MTX2: variants seen among roughly 807,000 people sequenced by gnomAD.
MTX2 encodes metaxin-2.
A neutral mutation model predicts 42.3 loss-of-function variants in MTX2; 35 were observed. That is an observed-to-expected ratio of 0.83 (90% confidence interval 0.63 to 1.10). The LOEUF (loss-of-function observed/expected upper bound fraction) is 1.10, where lower values mean the gene tolerates loss of function less well. MTX2 is among the 50% of genes least tolerant of loss of function. The pLI, the probability that MTX2 is intolerant of heterozygous loss-of-function variation, is 0.00. For synonymous variants in MTX2, 119 were observed against 100.9 expected, an observed-to-expected ratio of 1.18 and a Z score of -1.08; for missense variants, 307 against 304.1, an observed-to-expected ratio of 1.01 and a Z score of -0.07.
chr2:176,329,903 GTCTATCTGTCTA>G (rs910001987), intron 8 of MTX2, among the ~76,000 whole-genome samples: 2 of 143,218 alleles, frequency 1.4e-5, no homozygotes, highest in Non-Finnish European at 3.1e-5. Context: ...CTATCTATCT[GTCTATCTGTCTA>G]TCTATCTGTC....
chr2:176,296,824 T>G lies in MTX2; in HGVS notation c.41-36T>G, dbSNP rs1000064740. On this transcript the variant is annotated intron_variant, in intron 1 of 9. Coordinates refer to ENST00000249442, the MANE Select transcript of MTX2 (RefSeq NM_006554.5). ...TGGTTTGTTATTGATATGTTTTTGC[T>G]TTATGTGCCTAATTATCACTGCCTT... 5.0e-6 allele frequency: 8 copies of G among 1,608,738 alleles called. No homozygotes were observed. The African/African-American group carries it at 1.1e-4, about 22-fold the overall frequency.
intron 3 of MTX2, among the ~76,000 whole-genome samples, chr2:176,320,141 TA>T (rs1476826619): frequency 6.6e-6 from 1 of 151,926 alleles, no homozygotes; most frequent in Non-Finnish European, 1.5e-5. Flanking sequence ...TATAAAAAAA[TA>T]AAAAGCATGG....
At position 176,337,539 on chromosome 2, in the gene MTX2, C is replaced by G; in HGVS notation, c.667C>G (p.Leu223Val). Residue 223 changes from leucine to valine, a missense_variant, in exon 10 of 10, where the codon CTT (leucine) becomes GTT (valine). By Grantham distance (32) the Leu-to-Val change is conservative. Transcript: ENST00000249442. ...GGTATTTGGCCATCTATACACCATT[C>G]TTACCACACAATTGACAAATGATGA... is the stretch of plus-strand genomic sequence containing the variant. ...ALVFGHLYTI[L>V]TTQLTNDELS... 2.5e-6 allele frequency: 4 copies of G among 1,613,058 alleles called. No individual in the cohort carries two copies. Among genetic ancestry groups the G allele is most frequent in the Non-Finnish European group, 3.4e-6 (4 of 1,179,336 alleles).
At chr2:176,299,390 G>A (rs1202400104) in intron 3 of MTX2, among the ~76,000 whole-genome samples, 2 of 151,844 alleles carry the variant, frequency 1.3e-5, no homozygotes, top group East Asian at 1.9e-4. Context: ...TAAATAACCC[G>A]GAGAAGGGGG....
chr2:176,309,674 G>T (rs1236409425), intron 3 of MTX2, among the ~76,000 whole-genome samples: 3 of 141,126 alleles, frequency 2.1e-5, no homozygotes, highest in South Asian at 2.2e-4. Flanking sequence ...TTTGATCTTT[G>T]TTGGTTTAAA....
intron 1 of MTX2, among the ~76,000 whole-genome samples, chr2:176,294,149 C>G (rs545016239): frequency 1.3e-5 from 2 of 151,758 alleles, no homozygotes; most frequent in Non-Finnish European, 2.9e-5. Flanking sequence ...AATAAGAGAG[C>G]TTTTGGTATT....
At position 176,297,477 on chromosome 2, in the gene MTX2, C is replaced by A. The variant is rs73036852; in HGVS notation, c.89-372C>A. On this transcript the variant is annotated intron_variant, in intron 2 of 9. Coordinates refer to ENST00000249442, the MANE Select transcript of MTX2 (RefSeq NM_006554.5). ...GTGTGACGGACCTAGACACACTGTGCAATATTAACTGCAAGCTGGTTTTAT... is the reference window on the plus strand; with the variant it reads ...GTGTGACGGACCTAGACACACTGTGAAATATTAACTGCAAGCTGGTTTTAT... Among the ~76,000 whole-genome samples the A allele has an allele frequency of 7.0e-3, 1,068 of 152,216 alleles. 11 individuals are homozygous for A. The highest frequency in any genetic ancestry group is 0.025 in the African/African-American group (1,030 of 41,542).
At position 176,280,381 on chromosome 2, in the gene MTX2, A is replaced by G. The variant is rs185685494; in HGVS notation, c.40+10712A>G. ...GAATTCTGAGGCTTCAGATGAGTCA[A>G]CATTTTGTGTGATTAATAGTAACTA... On this transcript the variant is annotated intron_variant, in intron 1 of 9. Coordinates refer to ENST00000249442, the MANE Select transcript of MTX2 (RefSeq NM_006554.5). Among the ~76,000 whole-genome samples the G allele has an allele frequency of 6.6e-5, 10 of 152,364 alleles. No individual in the cohort carries two copies. In the East Asian group the frequency reaches 1.7e-3, roughly 26 times the overall value.
chr2:176,328,787 TA>T, intron 6 of MTX2, 86 bp from the exon 7 acceptor site: 1 of 1,315,184 alleles, frequency 7.6e-7, no homozygotes, highest in Non-Finnish European at 1.1e-6. Context: ...AATTAGCTTA[TA>T]AAAAATTGCC....
chr2:176,282,707 T>A (rs1962028), intron 1 of MTX2, among the ~76,000 whole-genome samples: 13 of 150,064 alleles, frequency 8.7e-5, no homozygotes, highest in African/African-American at 2.2e-4. Context: ...CTTTTTTTTT[T>A]TTGTTTTTTT....
At chr2:176,309,311 A>T (rs1271054215) in intron 3 of MTX2, among the ~76,000 whole-genome samples, 2 of 152,158 alleles carry the variant, frequency 1.3e-5, no homozygotes, top group East Asian at 1.9e-4. Flanking sequence ...TTTACTTCCA[A>T]TTATGTGGTC....
chr2:176,292,492 G>A (rs1693351487), intron 1 of MTX2, among the ~76,000 whole-genome samples: 1 of 152,210 alleles, frequency 6.6e-6, no homozygotes, highest in African/African-American at 2.4e-5. Flanking sequence ...CCTTGGGAAA[G>A]AGAAGTGTAG....
intron 1 of MTX2, among the ~76,000 whole-genome samples, chr2:176,281,213 T>C (rs771326266): frequency 6.6e-6 from 1 of 152,154 alleles, no homozygotes; most frequent in Non-Finnish European, 1.5e-5. Context: ...GGGTTACTTA[T>C]GTATAGGGTG....
intron 3 of MTX2, among the ~76,000 whole-genome samples, chr2:176,308,158 A>G (rs1684201481): frequency 6.6e-6 from 1 of 152,022 alleles, no homozygotes; most frequent in South Asian, 2.1e-4. Context: ...TGAGATAATC[A>G]TGTGGTTTTT....
intron 1 of MTX2, among the ~76,000 whole-genome samples, chr2:176,282,133 T>TTGTTTTTTTTTG (rs1160909005): frequency 7.4e-6 from 1 of 134,914 alleles, no homozygotes; most frequent in Admixed American, 7.5e-5. Context: ...GTAGTTTTTT[T>TTGTTTTTTTTTG]TTTTTTTTTT....
At chr2:176,281,195 C>G (rs1387575082) in intron 1 of MTX2, among the ~76,000 whole-genome samples, 1 of 152,060 alleles carries the variant, frequency 6.6e-6, no homozygotes, top group East Asian at 1.9e-4. Context: ...GGGTCTTTTT[C>G]TAAGATAGGG....
chr2:176,279,761 T>C (rs1278467706), intron 1 of MTX2, among the ~76,000 whole-genome samples: 1 of 152,296 alleles, frequency 6.6e-6, no homozygotes, highest in Admixed American at 6.5e-5. Context: ...ATTTTCTCCC[T>C]AAACAGTTTT....
chr2:176,336,042 T>C (rs1447699890), intron 9 of MTX2, among the ~76,000 whole-genome samples: 2 of 152,076 alleles, frequency 1.3e-5, no homozygotes, highest in Non-Finnish European at 2.9e-5. Flanking sequence ...CAAATTTGGA[T>C]TTTTACCAAC....
intron 3 of MTX2, among the ~76,000 whole-genome samples, chr2:176,303,127 A>G (rs993096196): frequency 2.0e-5 from 3 of 152,150 alleles, no homozygotes; most frequent in Non-Finnish European, 4.4e-5. Context: ...TCAGGGTTTT[A>G]TGCCATTTTA....
Sources: gnomAD v4.1 joint callset for allele counts (sites outside exome capture counted in the v4.1 genomes callset) on GRCh38, gnomAD v4.1.1 for gene constraint, MANE v1.5 for transcripts, NCBI Gene and HGNC (gene_info 2026-07-23, HGNC 2026-07-21) for gene names.